The following KLHL32 variants were observed in gnomAD, a reference collection of about 807,000 sequenced individuals.
KLHL32 encodes kelch like family member 32, also known as kelch-like protein 32.
In KLHL32, 35 loss-of-function variants were observed where a neutral mutation model predicts 64.8. The observed-to-expected ratio is 0.54, with a 90% CI of 0.41 to 0.72. The LOEUF (loss-of-function observed/expected upper bound fraction) is 0.72, where lower values mean the gene tolerates loss of function less well. KLHL32 is among the 30% of genes least tolerant of loss of function. KLHL32 has a pLI of 0.00. For synonymous variants in KLHL32, 259 were observed against 281.0 expected (o/e 0.92, Z 0.78); for missense variants, 589 against 768.5 (o/e 0.77, Z 2.76).
At chr6:97,082,021 T>C (rs557508170) in intron 5 of KLHL32, among the ~76,000 whole-genome samples, 2 of 152,336 alleles carry the variant, frequency 1.3e-5, no homozygotes, top group South Asian at 2.1e-4. Context: ...AAATAACTTA[T>C]CAGACTTATC....
At chr6:97,026,778 C>T (rs1782774800) in intron 3 of KLHL32, among the ~76,000 whole-genome samples, 1 of 152,180 alleles carries the variant, frequency 6.6e-6, no homozygotes, top group Non-Finnish European at 1.5e-5. Context: ...CATTAGTTTA[C>T]ATTGAGTTTT....
intron 3 of KLHL32, among the ~76,000 whole-genome samples, chr6:96,984,432 C>A (rs905294067): frequency 6.6e-6 from 1 of 152,034 alleles, no homozygotes. Context: ...TCCTGGATAT[C>A]CTTGTTAACT....
In KLHL32 at chr6:96,957,184, GAACA is replaced by G. The variant is rs5878456; in HGVS notation, c.-65-9811_-65-9808del. ...AGCGCTTAGCACATATTTGATGAATGAACAGTCTATATATTAAAATTCAAAAGTA... is the reference window on the plus strand; with the variant it reads ...AGCGCTTAGCACATATTTGATGAATGGTCTATATATTAAAATTCAAAAGTA... On this transcript the variant is annotated intron_variant, in intron 1 of 10. Coordinates refer to ENST00000369261, the MANE Select transcript of KLHL32 (RefSeq NM_052904.4). Among the ~76,000 whole-genome samples, 29 of 152,186 alleles carry G rather than the reference GAACA, an allele frequency of 1.9e-4. 1 individual carries two copies. Among genetic ancestry groups the G allele is most frequent in the African/African-American group, 6.5e-4 (27 of 41,538 alleles).
intron 8 of KLHL32, among the ~76,000 whole-genome samples, chr6:97,128,676 GC>G (rs1474973571): frequency 6.6e-6 from 1 of 152,220 alleles, no homozygotes; most frequent in African/African-American, 2.4e-5. Context: ...CTGCCAACAG[GC>G]AGGCTGGGGT....
chr6:97,036,953 G>A (rs1784389472), intron 3 of KLHL32, among the ~76,000 whole-genome samples: 1 of 152,206 alleles, frequency 6.6e-6, no homozygotes, highest in Admixed American at 6.5e-5. Context: ...GGCAATTTCT[G>A]TTGGCACTAA....
intron 4 of KLHL32, among the ~76,000 whole-genome samples, chr6:97,050,846 TA>T (rs952778581): frequency 1.3e-5 from 2 of 151,354 alleles, no homozygotes; most frequent in Non-Finnish European, 2.9e-5. Flanking sequence ...CTACTAAAAA[TA>T]AAAAAAATAG....
In KLHL32 at chr6:97,112,113, C is replaced by T. The variant is rs553667997; in HGVS notation, c.628-1670C>T. Among the ~76,000 whole-genome samples, 9 of 152,282 alleles carry T rather than the reference C, an allele frequency of 5.9e-5. No individual in the cohort carries two copies. The East Asian group carries it at 1.7e-3, about 29-fold the overall frequency. ...CAGGAATGTATGTTCTCACTTTGGG[C>T]TGCGGTGCCAGGCTTGAGGGTGGGG... On this transcript the variant is annotated intron_variant, in intron 6 of 10. Transcript: ENST00000369261.
intron 3 of KLHL32, among the ~76,000 whole-genome samples, chr6:97,025,961 G>A (rs951635160): frequency 2.0e-5 from 3 of 151,838 alleles, no homozygotes; most frequent in Non-Finnish European, 2.9e-5. Context: ...AGAGCTATAG[G>A]GAGGCCCTAG....
intron 1 of KLHL32, among the ~76,000 whole-genome samples, chr6:96,938,348 C>T (rs989257212): frequency 1.3e-5 from 2 of 152,162 alleles, no homozygotes; most frequent in Non-Finnish European, 2.9e-5. Flanking sequence ...CCCTATTGTT[C>T]CCTGCCAGAG....
At chr6:96,971,684 C>T (rs931186166) in intron 2 of KLHL32, among the ~76,000 whole-genome samples, 1 of 151,956 alleles carries the variant, frequency 6.6e-6, no homozygotes, top group African/African-American at 2.4e-5. Flanking sequence ...GACAGCAGTT[C>T]GCACAGGCAG....
intron 1 of KLHL32, among the ~76,000 whole-genome samples, chr6:96,941,577 T>G (rs981862610): frequency 6.6e-6 from 1 of 152,196 alleles, no homozygotes; most frequent in Non-Finnish European, 1.5e-5. Context: ...TATGATGTGA[T>G]GACCAAAAAA....
chr6:96,975,807 A>G (rs11756272), intron 2 of KLHL32, among the ~76,000 whole-genome samples, 190 bp from the exon 3 acceptor site: 67,081 of 151,798 alleles, frequency 0.44, 15,110 homozygotes, highest in South Asian at 0.55. Context: ...GCAGGGAGGG[A>G]AGCAGAGAGA....
At chr6:96,971,468 T>A (rs1294046228) in intron 2 of KLHL32, among the ~76,000 whole-genome samples, 2 of 152,200 alleles carry the variant, frequency 1.3e-5, no homozygotes, top group Non-Finnish European at 1.5e-5. Flanking sequence ...TTGTGATCAA[T>A]TCCAGAATGA....
At chr6:97,022,764 C>T (rs924778031) in intron 3 of KLHL32, among the ~76,000 whole-genome samples, 2 of 152,148 alleles carry the variant, frequency 1.3e-5, no homozygotes, top group Admixed American at 1.3e-4. Flanking sequence ...GCCATGGCGC[C>T]CAGCCCTGAT....
intron 4 of KLHL32, among the ~76,000 whole-genome samples, chr6:97,055,811 A>C (rs146452029): frequency 0.15 from 21,710 of 147,604 alleles, 2,744 homozygotes; most frequent in African/African-American, 0.2. Flanking sequence ...AAAAAAAAAA[A>C]AAAAAAAAAA....
intron 10 of KLHL32, among the ~76,000 whole-genome samples, chr6:97,133,557 A>C (rs1799665031): frequency 6.6e-6 from 1 of 152,090 alleles, no homozygotes; most frequent in South Asian, 2.1e-4. Context: ...CAACCTTTTT[A>C]TTTCTTTTTC....
chr6:97,111,499 T>C (rs1797137178), intron 6 of KLHL32, among the ~76,000 whole-genome samples: 2 of 152,162 alleles, frequency 1.3e-5, no homozygotes, highest in African/African-American at 4.8e-5. Context: ...GGACGGAACA[T>C]GCAGGTGAGT....
At chr6:97,072,393 A>G (rs1305034121) in intron 5 of KLHL32, among the ~76,000 whole-genome samples, 1 of 152,194 alleles carries the variant, frequency 6.6e-6, no homozygotes, top group African/African-American at 2.4e-5. Context: ...AATCCATGAA[A>G]AATTCTGTTT....
At chr6:96,919,095 C>A in the KLHL32 span, among the ~76,000 whole-genome samples, 35 of 152,280 alleles carry the variant, frequency 2.3e-4, no homozygotes, top group African/African-American at 6.3e-4. Context: ...CAATTAGATT[C>A]TCCTGGGAAT....
Sources: allele counts gnomAD v4.1 joint callset (sites outside exome capture counted in the v4.1 genomes callset), GRCh38; gene constraint gnomAD v4.1.1; transcripts MANE v1.5; gene names NCBI Gene and HGNC (gene_info 2026-07-23, HGNC 2026-07-21).